The following TNNI3K variants were observed in gnomAD, a reference collection of about 807,000 sequenced individuals.
The protein encoded by TNNI3K is TNNI3 interacting kinase, also known as serine/threonine-protein kinase TNNI3K.
Under a neutral mutation model 114.5 loss-of-function variants are expected in TNNI3K, and 140 were observed. The ratio of observed to expected loss-of-function variants is 1.22; its 90% CI spans 1.07 to 1.41. The LOEUF (loss-of-function observed/expected upper bound fraction) is 1.41, where lower values mean the gene tolerates loss of function less well. Among genes scored for constraint, TNNI3K ranks in the 40% most tolerant of loss-of-function variants. The pLI, the probability that TNNI3K is intolerant of heterozygous loss-of-function variation, is 0.00. For synonymous variants in TNNI3K, 347 were observed against 347.5 expected (o/e 1.00, Z 0.02); for missense variants, 1,125 against 1,007.6 (o/e 1.12, Z -1.58).
At chr1:74,395,844 C>A (rs1019329431) in intron 17 of TNNI3K, among the ~76,000 whole-genome samples, 1 of 152,148 alleles carries the variant, frequency 6.6e-6, no homozygotes, top group Admixed American at 6.5e-5. Context: ...CTCTGAAATT[C>A]CCCCAGAGGG....
intron 21 of TNNI3K, among the ~76,000 whole-genome samples, chr1:74,476,940 C>T (rs1329417283): frequency 6.6e-6 from 1 of 152,006 alleles, no homozygotes; most frequent in Non-Finnish European, 1.5e-5. Flanking sequence ...TGGTAAAATC[C>T]TCATACCATT....
rs147949040 is a variant in TNNI3K at position 74,368,098 on chromosome 1, C to T, written c.1321+134C>T. The T allele has an allele frequency of 8.5e-4, 693 of 818,374 alleles. 12 individuals carry two copies. The South Asian group carries it at 0.013, about 16-fold the overall frequency. The allele number at this position is 818,374 out of a possible 1,614,324, so 50.7% of individuals were successfully genotyped here. ...AGCACAACAAATATTATTGACAGAC[C>T]GTTCTTTTCATAATTAACCTTACCC... On this transcript the variant is annotated intron_variant, in intron 13 of 24. Coordinates refer to ENST00000326637, the MANE Select transcript of TNNI3K (RefSeq NM_015978.3).
chr1:74,489,950 A>C (rs1326733007), intron 22 of TNNI3K, among the ~76,000 whole-genome samples: 1 of 150,628 alleles, frequency 6.6e-6, no homozygotes, highest in Non-Finnish European at 1.5e-5. Context: ...GCATTTGCAT[A>C]TGCAGGGAAG....
intron 17 of TNNI3K, among the ~76,000 whole-genome samples, chr1:74,433,728 A>G (rs1410506609): frequency 6.6e-6 from 1 of 152,028 alleles, no homozygotes; most frequent in African/African-American, 2.4e-5. Context: ...TGTGACCTCA[A>G]TGTGATAAAT....
At chr1:74,471,145 C>T (rs1667913354) in intron 21 of TNNI3K, 3 of 400,696 alleles carry the variant, frequency 7.5e-6, no homozygotes, top group Admixed American at 4.4e-5. Context: ...AGCTGAGTAA[C>T]AGCTGCTTTC....
chr1:74,467,646 G>A (rs560883630), intron 21 of TNNI3K, among the ~76,000 whole-genome samples: 4 of 151,956 alleles, frequency 2.6e-5, no homozygotes, highest in Non-Finnish European at 4.4e-5. Flanking sequence ...TTGATACAAA[G>A]GATTTATTTA....
At chr1:74,342,770 A>C in intron 7 of TNNI3K, 72 bp from the exon 8 acceptor site, 1 of 1,571,848 alleles carries the variant, frequency 6.4e-7, no homozygotes, top group East Asian at 2.2e-5. Flanking sequence ...AATGTCCATG[A>C]TACTATACAT....
chr1:74,280,132 C>G (rs1656916584), intron 5 of TNNI3K, among the ~76,000 whole-genome samples: 1 of 152,140 alleles, frequency 6.6e-6, no homozygotes, highest in Non-Finnish European at 1.5e-5. Flanking sequence ...CCTGTAATCC[C>G]ACCACTTTGG....
At chr1:74,287,555 A>G (rs1238938652) in intron 5 of TNNI3K, among the ~76,000 whole-genome samples, 3 of 152,168 alleles carry the variant, frequency 2.0e-5, no homozygotes, top group African/African-American at 7.2e-5. Flanking sequence ...ATTCTCTTCA[A>G]TAAATGATAC....
chr1:74,377,168 T>C (rs1282529520), intron 17 of TNNI3K: 1 of 152,086 alleles, frequency 6.6e-6, no homozygotes, highest in Admixed American at 6.6e-5. Context: ...ATAACTTCAT[T>C]CTTCTCTGCT....
At chr1:74,397,081 T>C (rs970686566) in intron 17 of TNNI3K, among the ~76,000 whole-genome samples, 2 of 151,592 alleles carry the variant, frequency 1.3e-5, no homozygotes, top group African/African-American at 4.9e-5. Flanking sequence ...CTGCTGAAAG[T>C]TGTTGATGAA....
At chr1:74,343,850 TC>T (rs1207388685) in intron 9 of TNNI3K, among the ~76,000 whole-genome samples, 1 of 152,178 alleles carries the variant, frequency 6.6e-6, no homozygotes, top group Non-Finnish European at 1.5e-5. Flanking sequence ...GAGCTATAGT[TC>T]CCTAAAATGC....
intron 23 of TNNI3K, among the ~76,000 whole-genome samples, chr1:74,533,740 T>G (rs1272681349): frequency 5.3e-5 from 8 of 151,114 alleles, no homozygotes; most frequent in African/African-American, 1.9e-4. Flanking sequence ...CCATAAAAAA[T>G]GATGAGTTCA....
chr1:74,525,039 CT>C (rs1206589893), intron 23 of TNNI3K, among the ~76,000 whole-genome samples: 1 of 152,064 alleles, frequency 6.6e-6, no homozygotes, highest in Non-Finnish European at 1.5e-5. Flanking sequence ...GAGCTGGACA[CT>C]GGGGAAAGAG....
chr1:74,394,878 A>G lies in TNNI3K; in HGVS notation c.1772+24486A>G, dbSNP rs1248064223. ...GCTAACATGGTGAAACCCCGTCTCT[A>G]CTAAAAATACAAACAATTAGCCAGG... On this transcript the variant is annotated intron_variant, in intron 17 of 24. Coordinates refer to ENST00000326637, the MANE Select transcript of TNNI3K (RefSeq NM_015978.3). Among the ~76,000 whole-genome samples the G allele has an allele frequency of 5.9e-5, 9 of 152,056 alleles. No individual in the cohort carries two copies. In the East Asian group the frequency reaches 1.7e-3, roughly 29 times the overall value.
intron 5 of TNNI3K, among the ~76,000 whole-genome samples, chr1:74,326,761 T>C (rs576895645): frequency 1.3e-5 from 2 of 152,128 alleles, no homozygotes; most frequent in African/African-American, 4.8e-5. Flanking sequence ...AGCTTGGTCA[T>C]GAGACTGGGT....
intron 7 of TNNI3K, among the ~76,000 whole-genome samples, chr1:74,338,837 A>C (rs1660612217): frequency 6.6e-6 from 1 of 152,142 alleles, no homozygotes; most frequent in South Asian, 2.1e-4. Context: ...TAACTCAGGC[A>C]GCTACTTTAG....
In TNNI3K at chr1:74,329,545, A is replaced by G. The variant is rs187780130; in HGVS notation, c.445-1905A>G. ...TATATGACAACTATTAGCATCTCCA[A>G]TGCTATCCCCGAGTGAATAAATTAT... On this transcript the variant is annotated intron_variant, in intron 5 of 24. Transcript: ENST00000326637. Among the ~76,000 whole-genome samples, 17 of 152,200 alleles carry G rather than the reference A, an allele frequency of 1.1e-4. No homozygotes were observed. In the East Asian group the frequency reaches 1.3e-3, roughly 12 times the overall value.
At chr1:74,463,808 GTCTCA>G (rs1667550646) in intron 21 of TNNI3K, among the ~76,000 whole-genome samples, 1 of 152,218 alleles carries the variant, frequency 6.6e-6, no homozygotes, top group Non-Finnish European at 1.5e-5. Flanking sequence ...ATGACTCACA[GTCTCA>G]TCTCAGCTGC....
Sources: gnomAD v4.1 joint callset for allele counts (sites outside exome capture counted in the v4.1 genomes callset) on GRCh38, gnomAD v4.1.1 for gene constraint, MANE v1.5 for transcripts, NCBI Gene and HGNC (gene_info 2026-07-23, HGNC 2026-07-21) for gene names.